DCAF6: variants seen among roughly 807,000 people sequenced by gnomAD.
DCAF6 encodes DDB1- and CUL4-associated factor 6.
A neutral mutation model predicts 125.1 loss-of-function variants in DCAF6; 54 were observed. The observed-to-expected ratio is 0.43, with a 90% CI of 0.35 to 0.54. The LOEUF (loss-of-function observed/expected upper bound fraction) is 0.54. DCAF6 is among the 20% of genes least tolerant of loss of function. The pLI is 0.01. For missense variants in DCAF6, 934 were observed against 1,161.7 expected (o/e 0.80, Z 2.85); for synonymous variants, 371 against 390.4 (o/e 0.95, Z 0.58).
the DCAF6 span, chr1:167,880,593 CAG>C: frequency 1.9e-6 from 3 of 1,613,706 alleles, no homozygotes; most frequent in Non-Finnish European, 2.5e-6. Context: ...GCCAAAGACA[CAG>C]AGGAAAGAGC....
chr1:167,935,090 A>G (rs1671054899), upstream of DCAF6, among the ~76,000 whole-genome samples: 1 of 152,332 alleles, frequency 6.6e-6, no homozygotes, highest in Admixed American at 6.5e-5. Flanking sequence ...TCAAGGTCAC[A>G]ACTATAAGTG....
intron 20 of DCAF6, among the ~76,000 whole-genome samples, chr1:168,066,813 A>G (rs1188903091): frequency 6.6e-6 from 1 of 152,210 alleles, no homozygotes; most frequent in Non-Finnish European, 1.5e-5. Context: ...CTGTTTCTCC[A>G]AAAGCCTAGC....
Position 168,072,294 on chromosome 1 carries a change from T to TAAAAAAAAAAAAAAAAA in DCAF6, c.2792-3062_2792-3046dup, listed in dbSNP as rs59674650. Among the ~76,000 whole-genome samples, 24 of 41,000 alleles carry TAAAAAAAAAAAAAAAAA rather than the reference T, an allele frequency of 5.9e-4. 1 individual carries two copies. Among genetic ancestry groups the TAAAAAAAAAAAAAAAAA allele is most frequent in the African/African-American group, 1.8e-3 (22 of 12,222 alleles). The allele number at this position is 41,000 out of a possible 152,430, so 26.9% of individuals were successfully genotyped here. A position where few individuals can be genotyped will look rare whatever the true frequency, so the allele number is the denominator to read the frequency against. Reference sequence around the variant, plus strand: ...CCTGGTGACAGAGGGAGAATCAGTCTAAAAAAAAAAAAAAAAAAAAAAAAA... The same window carrying TAAAAAAAAAAAAAAAAA: ...CCTGGTGACAGAGGGAGAATCAGTCTAAAAAAAAAAAAAAAAAAAAAAAAAAAAAAAAAAAAAAAAAA... On this transcript the variant is annotated intron_variant, in intron 21 of 21. Coordinates refer to ENST00000367840, the MANE Select transcript of DCAF6 (RefSeq NM_001198956.2).
Position 168,068,549 on chromosome 1 carries a change from A to G in DCAF6, c.2791+86A>G, listed in dbSNP as rs1185428229. On this transcript the variant is annotated intron_variant, in intron 21 of 21. Coordinates refer to ENST00000367840, the MANE Select transcript of DCAF6 (RefSeq NM_001198956.2). ...AGATCTGCTTTAAAGGGGTTTATAT[A>G]TATTTTTTAATATCACAAAATGAGG... 3 of 617,714 alleles carry G rather than the reference A, an allele frequency of 4.9e-6. No individual in the cohort carries two copies. In the African/African-American group the frequency reaches 5.8e-5, roughly 12 times the overall value. The allele number at this position is 617,714 out of a possible 1,614,324, so 38.3% of individuals were successfully genotyped here. A position where few individuals can be genotyped will look rare whatever the true frequency, so the allele number is the denominator to read the frequency against.
At chr1:167,981,323 G>A (rs1406441683) in intron 4 of DCAF6, among the ~76,000 whole-genome samples, 1 of 152,178 alleles carries the variant, frequency 6.6e-6, no homozygotes, top group Non-Finnish European at 1.5e-5. Context: ...TCTTTTGCAT[G>A]TAGATAACCA....
chr1:167,893,894 T>C, the DCAF6 span: 1 of 1,613,510 alleles, frequency 6.2e-7, no homozygotes, highest in Non-Finnish European at 8.5e-7. Context: ...TGTAGGGACA[T>C]CTCCAGTTCA....
Position 167,951,781 on chromosome 1 carries a change from G to C in DCAF6, c.98-19G>C, listed in dbSNP as rs370926316. 248 of 1,477,852 alleles carry C rather than the reference G, an allele frequency of 1.7e-4. No individual in the cohort carries two copies. The highest frequency in any genetic ancestry group is 2.2e-4 in the Non-Finnish European group (238 of 1,058,302). The allele number at this position is 1,477,852 out of a possible 1,614,324, so 91.5% of individuals were successfully genotyped here. On this transcript the variant is annotated intron_variant, in intron 1 of 21. Transcript: ENST00000367840. ...AGTATTTGTGTGATTTATTTAATTTGTTCTTTCTTTTTAAACAGGAAGAAG... is the reference window on the plus strand; with the variant it reads ...AGTATTTGTGTGATTTATTTAATTTCTTCTTTCTTTTTAAACAGGAAGAAG...
chr1:167,935,556 G>C (rs1039190380), upstream of DCAF6, among the ~76,000 whole-genome samples: 1 of 152,212 alleles, frequency 6.6e-6, no homozygotes, highest in Non-Finnish European at 1.5e-5. Flanking sequence ...CTTAGGAAGA[G>C]ATGTTGCAGG....
At chr1:167,941,281 C>A (rs1456872449) in intron 1 of DCAF6, among the ~76,000 whole-genome samples, 1 of 152,096 alleles carries the variant, frequency 6.6e-6, no homozygotes, top group East Asian at 1.9e-4. Context: ...AGGCAGGACA[C>A]CAAAGGCATA....
At chr1:167,936,681 T>G, upstream of DCAF6, 3 of 475,826 alleles carry the variant, frequency 6.3e-6, no homozygotes, top group Non-Finnish European at 7.5e-6. Context: ...TTGCTGATCT[T>G]TGGATGTTCT....
chr1:168,019,658 A>AG (rs1685441490), intron 11 of DCAF6: 3 of 270,400 alleles, frequency 1.1e-5, no homozygotes, highest in South Asian at 8.9e-5. Context: ...GCCAGCCTAG[A>AG]GAGGGTCAGG....
intron 4 of DCAF6, among the ~76,000 whole-genome samples, chr1:167,986,517 G>A (rs973533006): frequency 4.6e-5 from 7 of 152,186 alleles, no homozygotes; most frequent in African/African-American, 1.7e-4. Flanking sequence ...TATAGCAGAG[G>A]CACCAGGAAC....
chr1:168,019,980 A>G (rs944173862), intron 11 of DCAF6: 4 of 153,106 alleles, frequency 2.6e-5, no homozygotes, highest in African/African-American at 9.6e-5. Context: ...AGCAGTCCTT[A>G]ACTACCTTGA....
chr1:168,007,298 C>G (rs1157992385), intron 10 of DCAF6, among the ~76,000 whole-genome samples: 3 of 152,120 alleles, frequency 2.0e-5, no homozygotes, highest in Non-Finnish European at 4.4e-5. Context: ...CAAATTGTTT[C>G]TTTTGGCCTT....
upstream of DCAF6, chr1:167,936,013 C>T: frequency 1.6e-6 from 1 of 614,298 alleles, no homozygotes; most frequent in Non-Finnish European, 2.9e-6. Flanking sequence ...AAAGCTGCGG[C>T]CCGCGCCCCG....
At chr1:167,872,170 C>G in the DCAF6 span, among the ~76,000 whole-genome samples, 1 of 152,068 alleles carries the variant, frequency 6.6e-6, no homozygotes, top group African/African-American at 2.4e-5. Context: ...GAAACCCCGT[C>G]TCTATTAAAA....
chr1:167,871,985 C>T, the DCAF6 span, among the ~76,000 whole-genome samples: 4 of 152,132 alleles, frequency 2.6e-5, no homozygotes, highest in South Asian at 8.3e-4. Flanking sequence ...CAAACCTGCA[C>T]GTTGTGCATT....
the DCAF6 span, chr1:167,883,547 G>A: frequency 1.1e-5 from 17 of 1,614,044 alleles, no homozygotes; most frequent in Non-Finnish European, 1.4e-5. Context: ...GCTTTGTCTT[G>A]GTCTTCAAAC....
chr1:168,032,561 T>C (rs139281402), intron 12 of DCAF6, among the ~76,000 whole-genome samples: 1,834 of 152,348 alleles, frequency 0.012, 16 homozygotes, highest in Non-Finnish European at 0.02. Flanking sequence ...AGTTAAACTT[T>C]ATTATTTTTT....
Sources: allele counts gnomAD v4.1 joint callset (sites outside exome capture counted in the v4.1 genomes callset), GRCh38; gene constraint gnomAD v4.1.1; transcripts MANE v1.5; gene names NCBI Gene and HGNC (gene_info 2026-07-23, HGNC 2026-07-21).